WDR91: variants seen among roughly 807,000 people sequenced by gnomAD.
WDR91 encodes the protein WD repeat-containing protein 91.
In WDR91, 52 loss-of-function variants were observed where a neutral mutation model predicts 88.4. The observed-to-expected ratio is 0.59, with a 90% CI of 0.47 to 0.74. The LOEUF (loss-of-function observed/expected upper bound fraction) is 0.74, where lower values mean the gene tolerates loss of function less well. Ranked by LOEUF, WDR91 falls within the 30% of genes least tolerant of loss-of-function variation. The probability of loss-of-function intolerance (pLI) is 0.00; values close to 1 mark genes in which losing one functional copy is unlikely to be tolerated. For missense variants in WDR91, 824 were observed against 954.5 expected (o/e 0.86, Z 1.80); for synonymous variants, 362 against 389.5 (o/e 0.93, Z 0.83).
intron 12 of WDR91, among the ~76,000 whole-genome samples, chr7:135,189,110 C>T (rs1161174037): frequency 6.6e-6 from 1 of 152,226 alleles, no homozygotes. Context: ...CAACTCAAGA[C>T]TCAAGGACCG....
chr7:135,203,727 T>C (rs1430115966), intron 6 of WDR91, among the ~76,000 whole-genome samples: 1 of 152,194 alleles, frequency 6.6e-6, no homozygotes, highest in Non-Finnish European at 1.5e-5. Flanking sequence ...CATAAGCCCT[T>C]ATGAGTTCAT....
At chr7:135,195,283 C>G (rs1463264566) in intron 8 of WDR91, among the ~76,000 whole-genome samples, 199 bp from the exon 9 acceptor site, 1 of 152,244 alleles carries the variant, frequency 6.6e-6, no homozygotes, top group East Asian at 1.9e-4. Flanking sequence ...TTATTAAGTG[C>G]CAACCATGTG....
intron 11 of WDR91, among the ~76,000 whole-genome samples, chr7:135,191,874 A>G (rs373867229): frequency 6.6e-6 from 1 of 152,306 alleles, no homozygotes; most frequent in East Asian, 1.9e-4. Flanking sequence ...ATAATTACAA[A>G]TTGTAATAAG....
chr7:135,208,643 A>T, intron 3 of WDR91, 148 bp downstream of exon 3: 1 of 618,442 alleles, frequency 1.6e-6, no homozygotes, highest in Non-Finnish European at 2.6e-6. Flanking sequence ...AAACAACCAC[A>T]ATTTGTCCAG....
chr7:135,188,657 G>GC (rs1419224321), intron 12 of WDR91, 112 bp from the exon 13 acceptor site: 26 of 943,178 alleles, frequency 2.8e-5, no homozygotes, highest in Non-Finnish European at 3.8e-5. Flanking sequence ...TGTTCTGGAA[G>GC]CCAAGGGCAG....
At chr7:135,198,227 C>T in intron 6 of WDR91, 76 bp from the exon 7 acceptor site, 1 of 1,524,660 alleles carries the variant, frequency 6.6e-7, no homozygotes, top group Non-Finnish European at 8.8e-7. Flanking sequence ...GAGTGGTCAG[C>T]CCTGGGCGGG....
chr7:135,193,787 C>T (rs1442573040), intron 9 of WDR91, 115 bp from the exon 10 acceptor site: 8 of 777,852 alleles, frequency 1.0e-5, no homozygotes, highest in South Asian at 3.2e-5. Flanking sequence ...CCCTCCTCTA[C>T]GCATCCAGGC....
chr7:135,211,389 C>G lies in WDR91; in HGVS notation c.114G>C (p.Lys38Asn). The G allele has an allele frequency of 6.2e-7, 1 of 1,610,636 alleles. No individual in the cohort carries two copies. The highest frequency in any genetic ancestry group is 1.3e-5 in the African/African-American group (1 of 74,632). ...LDAEIKADKE[K>N]GFRVDKIVDQ... Reference sequence around the variant, plus strand: ...CCCGCCGGCCTCTCACCCGGAACCCCTTCTCCTTGTCCGCCTTGATCTCGG... The same window carrying G: ...CCCGCCGGCCTCTCACCCGGAACCCGTTCTCCTTGTCCGCCTTGATCTCGG... The change falls in exon 1 of 15, where the codon AAG becomes AAC. Residue 38 changes from lysine (K) to asparagine (N), a missense_variant. Physicochemically the swap from Lys to Asn is moderately conservative, Grantham distance 94. Coordinates refer to ENST00000354475, the MANE Select transcript of WDR91 (RefSeq NM_014149.4).
chr7:135,205,512 CTT>C (rs1831734988), intron 5 of WDR91, among the ~76,000 whole-genome samples: 1 of 152,166 alleles, frequency 6.6e-6, no homozygotes, highest in Non-Finnish European at 1.5e-5. Flanking sequence ...AATCCCAGCA[CTT>C]TGGGAGGCCA....
intron 1 of WDR91, among the ~76,000 whole-genome samples, chr7:135,210,332 A>C (rs531690063): frequency 1.3e-5 from 2 of 152,286 alleles, no homozygotes; most frequent in African/African-American, 4.8e-5. Flanking sequence ...CCTAAGCGAC[A>C]GAGTGAGACT....
At position 135,198,148 on chromosome 7, in the gene WDR91, T is replaced by C. The variant is rs911606781; in HGVS notation, c.895A>G (p.Thr299Ala). 4 of 1,611,796 alleles carry C rather than the reference T, an allele frequency of 2.5e-6. No homozygotes were observed. In the African/African-American group the frequency reaches 4.0e-5, roughly 16 times the overall value. The part of the protein sequence containing the change: ...AKKESFGGQG[T>A]KGKDPTSGAK... ...CCGGACGTCGGGTCCTTTCCCTTGG[T>C]GCCCTAGAGGAAAAGAAGCTGGCTG... is the stretch of plus-strand genomic sequence containing the variant. The change falls in exon 7 of 15, where the codon ACC (threonine) becomes GCC (alanine). Residue 299 changes from threonine to alanine, a missense_variant. Coordinates refer to ENST00000354475, the MANE Select transcript of WDR91 (RefSeq NM_014149.4).
In WDR91 at chr7:135,211,401, C is replaced by T; in HGVS notation, c.102G>A (p.Ala34=). ...TLRQLDAEIK[A]DKEKGFRVDK... ...TCACCCGGAACCCCTTCTCCTTGTCCGCCTTGATCTCGGCGTCCAGCTGCC... is the reference window on the plus strand; with the variant it reads ...TCACCCGGAACCCCTTCTCCTTGTCTGCCTTGATCTCGGCGTCCAGCTGCC... Residue 34 remains alanine (A), a synonymous_variant, in exon 1 of 15, where the codon GCG becomes GCA. Transcript: ENST00000354475. 1.2e-6 allele frequency: 2 copies of T among 1,611,466 alleles called. No individual in the cohort carries two copies. Among genetic ancestry groups the T allele is most frequent in the Non-Finnish European group, 1.7e-6 (2 of 1,179,000 alleles).
intron 13 of WDR91, among the ~76,000 whole-genome samples, chr7:135,187,463 G>A (rs887836756): frequency 1.3e-5 from 2 of 152,200 alleles, no homozygotes; most frequent in Non-Finnish European, 2.9e-5. Context: ...TCTCTGGCCT[G>A]ACCCTAGGAG....
At chr7:135,190,040 G>A (rs1187381168) in intron 11 of WDR91, among the ~76,000 whole-genome samples, 2 of 152,292 alleles carry the variant, frequency 1.3e-5, no homozygotes, top group East Asian at 3.9e-4. Context: ...AGAGTACTGA[G>A]CTAGCAAATA....
Position 135,185,918 on chromosome 7 carries a change from G to T in WDR91, c.*233C>A, listed in dbSNP as rs374916032. 1.0e-5 allele frequency: 5 copies of T among 501,118 alleles called. No individual in the cohort carries two copies. The South Asian group carries it at 1.3e-4, about 13-fold the overall frequency. 31.0% of individuals were successfully genotyped at this position (501,118 alleles called of 1,614,324 possible). On this transcript the variant is annotated 3_prime_UTR_variant, in exon 15 of 15. Coordinates refer to ENST00000354475, the MANE Select transcript of WDR91 (RefSeq NM_014149.4). ...GAGCTTTCCTCCCATAGTCTCACATGTACTCCTGGCACAGCCACAATACCA... is the reference window on the plus strand; with the variant it reads ...GAGCTTTCCTCCCATAGTCTCACATTTACTCCTGGCACAGCCACAATACCA...
At chr7:135,198,741 G>A (rs993253395) in intron 6 of WDR91, 1 of 152,136 alleles carries the variant, frequency 6.6e-6, no homozygotes, top group Non-Finnish European at 1.5e-5. Flanking sequence ...AAGATAAATC[G>A]GACAGGAAAT....
chr7:135,204,901 T>G (rs989257734), intron 5 of WDR91, among the ~76,000 whole-genome samples: 5 of 144,278 alleles, frequency 3.5e-5, no homozygotes, highest in Non-Finnish European at 6.2e-5. Flanking sequence ...CTTCATCTTG[T>G]TTTTTTTTTA....
Position 135,193,416 on chromosome 7 carries a change from C to G in WDR91, c.1491-17G>C, listed in dbSNP as rs766493173. The G allele has an allele frequency of 6.2e-7, 1 of 1,613,308 alleles. No homozygotes were observed. Among genetic ancestry groups the G allele is most frequent in the African/African-American group, 1.3e-5 (1 of 74,916 alleles). The stretch of plus-strand genomic sequence containing the variant: ...GACAGGATTCTGCAACACACATGGG[C>G]CTGGGTCAGACCCTCTGCCTGCCCA... On this transcript the variant is annotated splice_polypyrimidine_tract_variant and intron_variant, in intron 10 of 14. Coordinates refer to ENST00000354475, the MANE Select transcript of WDR91 (RefSeq NM_014149.4).
Position 135,193,689 on chromosome 7 carries a change from C to T in WDR91, c.1396-17G>A, listed in dbSNP as rs778772521. On this transcript the variant is annotated splice_polypyrimidine_tract_variant and intron_variant, in intron 9 of 14. Coordinates refer to ENST00000354475, the MANE Select transcript of WDR91 (RefSeq NM_014149.4). ...CAGCAAGAGCTGGAATGACAAGGGG[C>T]GGGAGGTGGGAAGGATAGCATGGAG... 22 of 1,610,136 alleles carry T rather than the reference C, an allele frequency of 1.4e-5. No individual in the cohort carries two copies. The highest frequency in any genetic ancestry group is 2.2e-5 in the East Asian group (1 of 44,830).
Sources: gnomAD v4.1 joint callset for allele counts (sites outside exome capture counted in the v4.1 genomes callset) on GRCh38, gnomAD v4.1.1 for gene constraint, MANE v1.5 for transcripts, NCBI Gene and HGNC (gene_info 2026-07-23, HGNC 2026-07-21) for gene names.